HORMAD2: variants seen among roughly 807,000 people sequenced by gnomAD.
HORMAD2 encodes HORMA domain-containing protein 2.
A neutral mutation model predicts 38.8 loss-of-function variants in HORMAD2; 45 were observed. The observed-to-expected ratio is 1.16, with a 90% confidence interval of 0.91 to 1.49. The LOEUF is 1.49. Ranked by LOEUF, HORMAD2 falls within the 40% of genes most tolerant of loss-of-function variation. HORMAD2 has a pLI of 0.00. For synonymous variants in HORMAD2, 126 were observed against 122.8 expected (o/e 1.03, Z -0.17); for missense variants, 338 against 367.0 (o/e 0.92, Z 0.65).
At chr22:30,103,909 C>T (rs1920998602) in intron 4 of HORMAD2, among the ~76,000 whole-genome samples, 1 of 151,758 alleles carries the variant, frequency 6.6e-6, no homozygotes, top group African/African-American at 2.4e-5. Context: ...ATCCAACCAC[C>T]TTGGCCCCCC....
intron 10 of HORMAD2, among the ~76,000 whole-genome samples, chr22:30,159,239 T>C (rs1601586889): frequency 6.6e-6 from 1 of 152,176 alleles, no homozygotes; most frequent in East Asian, 1.9e-4. Context: ...CCTGCCATAA[T>C]ACTGTTTCAC....
At chr22:30,110,531 A>G (rs1921556178) in intron 5 of HORMAD2, among the ~76,000 whole-genome samples, 1 of 151,868 alleles carries the variant, frequency 6.6e-6, no homozygotes, top group African/African-American at 2.4e-5. Flanking sequence ...GATTACAGGC[A>G]CAAGCCGCCA....
the HORMAD2 span, among the ~76,000 whole-genome samples, chr22:30,187,017 G>A: frequency 6.6e-6 from 1 of 152,144 alleles, no homozygotes; most frequent in Non-Finnish European, 1.5e-5. Flanking sequence ...CTCTAACTAC[G>A]TTAGTTGAGG....
At chr22:30,145,344 A>G (rs1186959341) in intron 10 of HORMAD2, among the ~76,000 whole-genome samples, 2 of 152,212 alleles carry the variant, frequency 1.3e-5, no homozygotes, top group East Asian at 3.8e-4. Flanking sequence ...CTGGTTGTGT[A>G]TACATTTGTC....
chr22:30,093,311 T>C (rs1939789768), intron 1 of HORMAD2, among the ~76,000 whole-genome samples: 1 of 152,140 alleles, frequency 6.6e-6, no homozygotes, highest in African/African-American at 2.4e-5. Context: ...TTTTAATGGG[T>C]ATGAAGTATA....
chr22:30,102,573 A>T (rs1430949385), intron 3 of HORMAD2, among the ~76,000 whole-genome samples: 1 of 152,254 alleles, frequency 6.6e-6, no homozygotes, highest in Non-Finnish European at 1.5e-5. Context: ...GAAGTTGCTT[A>T]TGCAAAATCA....
chr22:30,106,834 T>A (rs1921237402), intron 5 of HORMAD2, among the ~76,000 whole-genome samples: 1 of 152,180 alleles, frequency 6.6e-6, no homozygotes, highest in South Asian at 2.1e-4. Flanking sequence ...GAGTTAATAA[T>A]CTAAAGCAGT....
intron 10 of HORMAD2, among the ~76,000 whole-genome samples, chr22:30,125,235 T>TTTTTTTTTTTTTTTTTTTTTTTTC (rs1922770463): frequency 1.2e-5 from 1 of 82,302 alleles, no homozygotes; most frequent in African/African-American, 7.0e-5. Context: ...TTTTTTTTTT[T>TTTTTTTTTTTTTTTTTTTTTTTTC]TTTTTTTGAG....
chr22:30,164,303 G>A (rs1428334170), intron 10 of HORMAD2, among the ~76,000 whole-genome samples: 1 of 152,022 alleles, frequency 6.6e-6, no homozygotes, highest in African/African-American at 2.4e-5. Context: ...CAGTCCTTTT[G>A]GATATGTACC....
At chr22:30,105,081 C>T in intron 5 of HORMAD2, 1 of 161,200 alleles carries the variant, frequency 6.2e-6, no homozygotes, top group Non-Finnish European at 1.4e-5. Flanking sequence ...GAGGGCAGGG[C>T]AAGGCAGGGG....
intron 10 of HORMAD2, among the ~76,000 whole-genome samples, chr22:30,148,705 A>G (rs1392522715): frequency 2.0e-5 from 3 of 152,152 alleles, no homozygotes; most frequent in Non-Finnish European, 2.9e-5. Context: ...TGTATTCCTT[A>G]AAAACATATT....
chr22:30,199,287 C>T, the HORMAD2 span, among the ~76,000 whole-genome samples: 73 of 152,350 alleles, frequency 4.8e-4, no homozygotes, highest in Non-Finnish European at 7.9e-4. Context: ...TTTCTTTCTC[C>T]TCCCTGAGAA....
intron 5 of HORMAD2, among the ~76,000 whole-genome samples, chr22:30,107,182 G>A (rs6006356): frequency 0.55 from 83,147 of 151,954 alleles, 23,647 homozygotes; most frequent in African/African-American, 0.69. Flanking sequence ...AATATAATAG[G>A]GTCACTTCTT....
At position 30,122,229 on chromosome 22, in the gene HORMAD2, T is replaced by C; in HGVS notation, c.819+15T>C. On this transcript the variant is annotated intron_variant, in intron 10 of 10. Coordinates refer to ENST00000336726, the MANE Select transcript of HORMAD2 (RefSeq NM_152510.4). ...GCAATGACCATGTAAGGCAAAGCTT[T>C]AGAGATTTTCTATCGTGTCAGTTAA... The C allele has an allele frequency of 6.3e-7, 1 of 1,595,514 alleles. No individual in the cohort carries two copies. Among genetic ancestry groups the C allele is most frequent in the Non-Finnish European group, 8.6e-7 (1 of 1,169,502 alleles).
rs985211392 is a variant in HORMAD2, at chr22:30,126,839, C to T, written c.819+4625C>T. 2.0e-5 allele frequency among the ~76,000 whole-genome samples: 3 copies of T among 152,214 alleles called. 1 individual carries two copies. Among genetic ancestry groups the T allele is most frequent in the Admixed American group, 2.0e-4 (3 of 15,284 alleles). ...GAGTTGTGGTTGCTTTACATCCTCA[C>T]TAACCCTTGGCGTTTTCCATCGTTA... On this transcript the variant is annotated intron_variant, in intron 10 of 10. Coordinates refer to ENST00000336726, the MANE Select transcript of HORMAD2 (RefSeq NM_152510.4).
chr22:30,202,949 C>G, the HORMAD2 span, among the ~76,000 whole-genome samples: 1 of 152,162 alleles, frequency 6.6e-6, no homozygotes, highest in Non-Finnish European at 1.5e-5. Context: ...GGAGAAGGAG[C>G]TTGGGCCCAG....
At chr22:30,188,513 T>G in the HORMAD2 span, among the ~76,000 whole-genome samples, 1 of 152,224 alleles carries the variant, frequency 6.6e-6, no homozygotes, top group Non-Finnish European at 1.5e-5. Context: ...AAGGGCCAAC[T>G]TTTTCAAAGG....
chr22:30,121,588 C>T (rs1298938668), intron 8 of HORMAD2, 44 bp from the exon 9 acceptor site: 1 of 1,440,290 alleles, frequency 6.9e-7, no homozygotes, highest in East Asian at 2.5e-5. Context: ...GATAGATTGC[C>T]ACTATTGTAT....
chr22:30,171,767 T>C (rs1322034464), intron 10 of HORMAD2, among the ~76,000 whole-genome samples: 3 of 152,164 alleles, frequency 2.0e-5, no homozygotes, highest in Non-Finnish European at 4.4e-5. Context: ...GAGACCTAAC[T>C]TATGTGGGAT....
Sources: allele counts gnomAD v4.1 joint callset (sites outside exome capture counted in the v4.1 genomes callset), GRCh38; gene constraint gnomAD v4.1.1; transcripts MANE v1.5; gene names NCBI Gene and HGNC (gene_info 2026-07-23, HGNC 2026-07-21).